FBXO31: variants seen among roughly 807,000 people sequenced by gnomAD.
FBXO31 encodes the protein F-box protein 31, also known as F-box only protein 31.
In FBXO31, 24 loss-of-function variants were observed where a neutral mutation model predicts 54.4. That is an observed-to-expected ratio of 0.44 (90% CI 0.32 to 0.62). The LOEUF (loss-of-function observed/expected upper bound fraction) is 0.62. Among genes scored for constraint, FBXO31 ranks in the 20% least tolerant of loss-of-function variants. The pLI, the probability that FBXO31 is intolerant of heterozygous loss-of-function variation, is 0.05. For missense variants in FBXO31, 665 were observed against 787.1 expected (o/e 0.84, Z 1.86); for synonymous variants, 388 against 335.6 (o/e 1.16, Z -1.71).
At chr16:87,366,781 T>G (rs1906386304) in intron 1 of FBXO31, among the ~76,000 whole-genome samples, 1 of 152,192 alleles carries the variant, frequency 6.6e-6, no homozygotes, top group South Asian at 2.1e-4. Context: ...GGCCGGCTGC[T>G]GGGAGTGTGA....
chr16:87,389,591 C>A (rs1288507595), intron 1 of FBXO31: 1 of 152,184 alleles, frequency 6.6e-6, no homozygotes, highest in Non-Finnish European at 1.5e-5. Flanking sequence ...TCTTACAAAG[C>A]AGCAACTCAG....
In FBXO31 at chr16:87,337,036, T is replaced by C. The variant is rs531604869; in HGVS notation, c.733-772A>G. ...GAAACACGATGGTCAATCGCTTTCA[T>C]ACATCACTGCTCCAAACTCCGACAA... On this transcript the variant is annotated intron_variant, in intron 5 of 8. Coordinates refer to ENST00000311635, the MANE Select transcript of FBXO31 (RefSeq NM_024735.5). Among the ~76,000 whole-genome samples the C allele has an allele frequency of 5.3e-5, 8 of 152,274 alleles. 1 individual carries two copies. The highest frequency in any genetic ancestry group is 1.9e-4 in the African/African-American group (8 of 41,564).
chr16:87,347,779 G>A (rs997826205), intron 2 of FBXO31, among the ~76,000 whole-genome samples: 11 of 152,266 alleles, frequency 7.2e-5, no homozygotes, highest in Middle Eastern at 6.8e-3. Flanking sequence ...CATCAATGGG[G>A]GGAAATCAAG....
intron 8 of FBXO31, among the ~76,000 whole-genome samples, chr16:87,332,722 C>A (rs2007286): frequency 3.3e-5 from 5 of 150,212 alleles, no homozygotes; most frequent in South Asian, 4.2e-4. Flanking sequence ...CCCTTCCCCC[C>A]ACCCAGACAT....
At chr16:87,331,552 T>C in intron 8 of FBXO31, 42 bp from the exon 9 acceptor site, 2 of 1,502,192 alleles carry the variant, frequency 1.3e-6, no homozygotes, top group South Asian at 1.2e-5. Context: ...GGGGGAGGGC[T>C]GAGTCAAATG....
chr16:87,343,501 C>A, intron 4 of FBXO31, 97 bp downstream of exon 4: 1 of 1,424,182 alleles, frequency 7.0e-7, no homozygotes, highest in African/African-American at 1.4e-5. Flanking sequence ...TCTGCTACAG[C>A]CCAGGTCTGC....
intron 5 of FBXO31, among the ~76,000 whole-genome samples, chr16:87,340,445 A>G (rs1379724712): frequency 6.6e-6 from 1 of 152,274 alleles, no homozygotes; most frequent in Non-Finnish European, 1.5e-5. Context: ...GTTATCACGC[A>G]TCCAGTGTGG....
At chr16:87,341,240 C>T (rs1032391420) in intron 5 of FBXO31, among the ~76,000 whole-genome samples, 1 of 152,246 alleles carries the variant, frequency 6.6e-6, no homozygotes, top group African/African-American at 2.4e-5. Context: ...AGTAGGCTTA[C>T]AGAAACTTTT....
At chr16:87,350,371 G>A (rs769507269) in intron 2 of FBXO31, among the ~76,000 whole-genome samples, 9 of 152,148 alleles carry the variant, frequency 5.9e-5, no homozygotes, top group South Asian at 2.1e-4. Flanking sequence ...AATGAGCCCC[G>A]GCTGTGTGCA....
intron 5 of FBXO31, among the ~76,000 whole-genome samples, chr16:87,342,297 C>G (rs1437456667): frequency 3.9e-5 from 6 of 152,138 alleles, no homozygotes; most frequent in Admixed American, 3.9e-4. Context: ...TTAAGTGATC[C>G]TCTTGCCTCA....
At chr16:87,353,960 T>A (rs1905780927) in intron 2 of FBXO31, among the ~76,000 whole-genome samples, 1 of 152,242 alleles carries the variant, frequency 6.6e-6, no homozygotes, top group African/African-American at 2.4e-5. Context: ...GGGACTAGGA[T>A]GCGGACGTCT....
intron 2 of FBXO31, among the ~76,000 whole-genome samples, chr16:87,356,766 G>A (rs1905909476): frequency 6.6e-6 from 1 of 152,188 alleles, no homozygotes; most frequent in Non-Finnish European, 1.5e-5. Context: ...AACTTAAGAT[G>A]TAGGTCTGCT....
Position 87,372,288 on chromosome 16 carries a change from G to A in FBXO31, c.340+11117C>T, listed in dbSNP as rs552671159. ...GTGCTTTGCTAAGTGAAATGACTAC[G>A]TTTCTCTAGACAGTGGTGGATGATA... On this transcript the variant is annotated intron_variant, in intron 1 of 8. Coordinates refer to ENST00000311635, the MANE Select transcript of FBXO31 (RefSeq NM_024735.5). 1.1e-4 allele frequency among the ~76,000 whole-genome samples: 17 copies of A among 152,258 alleles called. No individual in the cohort carries two copies. In the South Asian group the frequency reaches 2.9e-3, roughly 26 times the overall value.
intron 2 of FBXO31, among the ~76,000 whole-genome samples, chr16:87,350,405 A>C (rs568122866): frequency 1.8e-4 from 28 of 152,304 alleles, no homozygotes; most frequent in Non-Finnish European, 3.4e-4. Flanking sequence ...CATCCCACAC[A>C]CAGACACCCC....
At chr16:87,380,115 C>A (rs1014012192) in intron 1 of FBXO31, among the ~76,000 whole-genome samples, 1 of 150,840 alleles carries the variant, frequency 6.6e-6, no homozygotes, top group Non-Finnish European at 1.5e-5. Flanking sequence ...CTGGCCAACA[C>A]GGTGAAACCC....
intron 2 of FBXO31, among the ~76,000 whole-genome samples, chr16:87,348,267 A>G (rs1905482825): frequency 6.6e-6 from 1 of 152,172 alleles, no homozygotes; most frequent in Non-Finnish European, 1.5e-5. Flanking sequence ...CTCCCAGGTC[A>G]GCCCAGCCCA....
chr16:87,375,970 G>C (rs909719595), intron 1 of FBXO31, among the ~76,000 whole-genome samples: 1 of 152,198 alleles, frequency 6.6e-6, no homozygotes, highest in Non-Finnish European at 1.5e-5. Flanking sequence ...GGCCACAGTA[G>C]TATAAAAATA....
At chr16:87,381,752 T>TG (rs1226013425) in intron 1 of FBXO31, among the ~76,000 whole-genome samples, 1 of 151,926 alleles carries the variant, frequency 6.6e-6, no homozygotes, top group Non-Finnish European at 1.5e-5. Context: ...CCAGCCAGCG[T>TG]GGGGGCTCGC....
Position 87,346,377 on chromosome 16 carries a change from G to C in FBXO31, c.489+797C>G, listed in dbSNP as rs183004320. 6.6e-6 allele frequency among the ~76,000 whole-genome samples: 1 copy of C among 152,114 alleles called. No individual in the cohort carries two copies. Among genetic ancestry groups the C allele is most frequent in the East Asian group, 1.9e-4 (1 of 5,186 alleles). On this transcript the variant is annotated intron_variant, in intron 3 of 8. Coordinates refer to ENST00000311635, the MANE Select transcript of FBXO31 (RefSeq NM_024735.5). This position sits in a 1 kb window ranked among gnomAD's most constrained non-coding sequence, Gnocchi z 4.2. ...AGGAGAAAAGGCGGGGGCTAGACTC[G>C]AAAGAAACTTTCACTACTGTACCCA...
Sources: allele counts gnomAD v4.1 joint callset (sites outside exome capture counted in the v4.1 genomes callset), GRCh38; gene constraint gnomAD v4.1.1; non-coding constraint Gnocchi (gnomAD v3.1); transcripts MANE v1.5; gene names NCBI Gene and HGNC (gene_info 2026-07-23, HGNC 2026-07-21).